Variants in CNTNAP2 observed in about 807,000 individuals in gnomAD.
CNTNAP2 encodes contactin associated protein 2.
Under a neutral mutation model 155.2 loss-of-function variants are expected in CNTNAP2, and 98 were observed. The observed-to-expected ratio is 0.63, with a 90% CI of 0.54 to 0.75. CNTNAP2 has a LOEUF of 0.75. Ranked by LOEUF, CNTNAP2 falls within the 30% of genes least tolerant of loss-of-function variation. The probability of loss-of-function intolerance (pLI) is 0.00; values close to 1 mark genes in which losing one functional copy is unlikely to be tolerated. For missense variants in CNTNAP2, 1,727 were observed against 1,688.1 expected, an observed-to-expected ratio of 1.02 and a Z score of -0.40; for synonymous variants, 651 against 631.2, an observed-to-expected ratio of 1.03 and a Z score of -0.47.
intron 8 of CNTNAP2, among the ~76,000 whole-genome samples, chr7:147,194,119 C>T (rs933013360): frequency 6.8e-6 from 1 of 147,652 alleles, no homozygotes; most frequent in Non-Finnish European, 1.5e-5. Flanking sequence ...GTGTGATGTT[C>T]CCCTCCGTGT....
chr7:147,132,860 T>C (rs1801405560), intron 8 of CNTNAP2, among the ~76,000 whole-genome samples: 1 of 152,184 alleles, frequency 6.6e-6, no homozygotes, highest in African/African-American at 2.4e-5. Context: ...GTATCTGGTA[T>C]CTTTTCTCTT....
At chr7:147,032,410 A>G (rs954966457) in intron 3 of CNTNAP2, among the ~76,000 whole-genome samples, 1 of 152,188 alleles carries the variant, frequency 6.6e-6, no homozygotes, top group African/African-American at 2.4e-5. Context: ...ATGTATGCAG[A>G]AGTGATATTT....
At chr7:148,413,803 C>T (rs1799910228) in intron 23 of CNTNAP2, among the ~76,000 whole-genome samples, 1 of 149,020 alleles carries the variant, frequency 6.7e-6, no homozygotes, top group Non-Finnish European at 1.5e-5. Flanking sequence ...TGAATTCACC[C>T]TTTTGTCATT....
intron 8 of CNTNAP2, among the ~76,000 whole-genome samples, chr7:147,266,502 G>T (rs1392128314): frequency 6.6e-6 from 1 of 152,190 alleles, no homozygotes; most frequent in Non-Finnish European, 1.5e-5. Flanking sequence ...TGCTTCTGGT[G>T]CTCTGAGTAT....
At chr7:146,928,726 C>A (rs1285585761) in intron 3 of CNTNAP2, among the ~76,000 whole-genome samples, 3 of 152,170 alleles carry the variant, frequency 2.0e-5, no homozygotes, top group African/African-American at 4.8e-5. Context: ...TCGGGTCACT[C>A]CCACCCTAAT....
At chr7:146,831,000 C>T (rs1803499748) in intron 2 of CNTNAP2, among the ~76,000 whole-genome samples, 1 of 152,120 alleles carries the variant, frequency 6.6e-6, no homozygotes, top group Non-Finnish European at 1.5e-5. Flanking sequence ...TTACATTTGC[C>T]AGATATTTTG....
chr7:148,320,684 A>C (rs921797118), intron 21 of CNTNAP2, among the ~76,000 whole-genome samples: 4 of 152,106 alleles, frequency 2.6e-5, no homozygotes, highest in African/African-American at 7.2e-5. Context: ...ACACCCAGCC[A>C]ACAAAGAATT....
chr7:146,477,184 A>C (rs537679946), intron 1 of CNTNAP2, among the ~76,000 whole-genome samples: 28 of 152,316 alleles, frequency 1.8e-4, no homozygotes, highest in African/African-American at 6.7e-4. Context: ...TTTTAGTTTC[A>C]ACTGAACCAC....
chr7:146,378,668 CA>C (rs1182160754), intron 1 of CNTNAP2, among the ~76,000 whole-genome samples: 8 of 152,196 alleles, frequency 5.3e-5, no homozygotes, highest in Admixed American at 2.0e-4. Context: ...TACCCTTAGC[CA>C]TTGACTTAAG....
At chr7:147,660,116 T>C (rs1795587937) in intron 13 of CNTNAP2, among the ~76,000 whole-genome samples, 1 of 152,230 alleles carries the variant, frequency 6.6e-6, no homozygotes, top group Non-Finnish European at 1.5e-5. Flanking sequence ...ATGTGAGTTA[T>C]GCCATTTTGC....
intron 1 of CNTNAP2, among the ~76,000 whole-genome samples, chr7:146,333,799 A>G (rs547604671): frequency 2.0e-5 from 3 of 152,298 alleles, no homozygotes; most frequent in Non-Finnish European, 2.9e-5. Flanking sequence ...CATTTCCCCA[A>G]TGTCTATGGA....
In CNTNAP2 at chr7:146,229,107, C is replaced by CA. The variant is rs1233904205; in HGVS notation, c.97+112140dup. On this transcript the variant is annotated intron_variant, in intron 1 of 23. Transcript: ENST00000361727. ...CTTGGTAGGTTTTCTTAAAGAAAAA[C>CA]AAAAAAGAGTAGCAAATTGGAACCT... 4.0e-5 allele frequency among the ~76,000 whole-genome samples: 6 copies of CA among 151,886 alleles called. No homozygotes were observed. The East Asian group carries it at 7.7e-4, about 20-fold the overall frequency.
At chr7:146,313,849 A>C (rs938195116) in intron 1 of CNTNAP2, among the ~76,000 whole-genome samples, 6 of 152,110 alleles carry the variant, frequency 3.9e-5, no homozygotes, top group African/African-American at 1.4e-4. Flanking sequence ...GAACACAAAA[A>C]TTAGCCAGGT....
At chr7:146,999,379 T>C (rs1388185440) in intron 3 of CNTNAP2, among the ~76,000 whole-genome samples, 1 of 151,994 alleles carries the variant, frequency 6.6e-6, no homozygotes, top group Non-Finnish European at 1.5e-5. Context: ...ATTTTAGTTA[T>C]TATTATTTTA....
At chr7:146,885,750 C>T (rs1178623300) in intron 3 of CNTNAP2, among the ~76,000 whole-genome samples, 3 of 152,094 alleles carry the variant, frequency 2.0e-5, no homozygotes, top group East Asian at 1.9e-4. Flanking sequence ...TTTCAATTAC[C>T]GTATTGTCTT....
intron 1 of CNTNAP2, among the ~76,000 whole-genome samples, chr7:146,752,029 T>G (rs1255248584): frequency 6.6e-6 from 1 of 152,188 alleles, no homozygotes; most frequent in Non-Finnish European, 1.5e-5. Context: ...CTATCGTTGA[T>G]GGGCATTTCT....
chr7:146,231,015 AAAATAAATAAAT>A (rs71527791), intron 1 of CNTNAP2, among the ~76,000 whole-genome samples: 1 of 80,656 alleles, frequency 1.2e-5, no homozygotes, highest in Non-Finnish European at 2.9e-5. Context: ...ACTTTGTCTC[AAAATAAATAAAT>A]AAATAAATAA....
intron 2 of CNTNAP2, among the ~76,000 whole-genome samples, chr7:146,829,061 T>C (rs1453826563): frequency 6.6e-6 from 1 of 152,044 alleles, no homozygotes; most frequent in Admixed American, 6.6e-5. Flanking sequence ...TAGGGTAATA[T>C]TTGACATTTT....
intron 10 of CNTNAP2, among the ~76,000 whole-genome samples, chr7:147,441,857 C>T (rs3916387): frequency 0.66 from 84,264 of 126,722 alleles, 28,857 homozygotes; most frequent in African/African-American, 0.83. Context: ...CTCTCCCTCC[C>T]TCCCTCCCTC....
Sources: gnomAD v4.1 joint callset for allele counts (sites outside exome capture counted in the v4.1 genomes callset) on GRCh38, gnomAD v4.1.1 for gene constraint, MANE v1.5 for transcripts, NCBI Gene and HGNC (gene_info 2026-07-23, HGNC 2026-07-21) for gene names.